Variants in RXRA observed in about 807,000 individuals in gnomAD.
RXRA encodes retinoic acid receptor RXR-alpha.
A neutral mutation model predicts 44.5 loss-of-function variants in RXRA; 5 were observed. That is an observed-to-expected ratio of 0.11 (90% CI 0.06 to 0.24). RXRA has a LOEUF of 0.24. Among genes scored for constraint, RXRA ranks in the 10% least tolerant of loss-of-function variants. The pLI is 1.00. For synonymous variants in RXRA, 291 were observed against 271.4 expected (o/e 1.07, Z -0.71); for missense variants, 412 against 646.5 (o/e 0.64, Z 3.93).
intron 1 of RXRA, among the ~76,000 whole-genome samples, chr9:134,346,529 G>A (rs1830154576): frequency 6.6e-6 from 1 of 152,200 alleles, no homozygotes; most frequent in South Asian, 2.1e-4. Context: ...GGGCGTGTTG[G>A]GGGCTCTCGT....
intron 5 of RXRA, among the ~76,000 whole-genome samples, chr9:134,419,787 C>T (rs1436580313): frequency 3.3e-5 from 5 of 152,348 alleles, no homozygotes; most frequent in African/African-American, 1.2e-4. Context: ...TGCACTATCC[C>T]TCCCTACCTA....
intron 4 of RXRA, among the ~76,000 whole-genome samples, chr9:134,414,375 C>T (rs750480701): frequency 7.9e-5 from 12 of 152,356 alleles, no homozygotes; most frequent in African/African-American, 1.7e-4. Context: ...CGGGCTGGCG[C>T]GTGGGGTGGG....
intron 6 of RXRA, 135 bp downstream of exon 6, chr9:134,421,940 A>G: frequency 6.8e-7 from 1 of 1,481,058 alleles, no homozygotes; most frequent in Non-Finnish European, 8.9e-7. Context: ...CCCAGGACCC[A>G]CTCCTACCTC....
intron 1 of RXRA, among the ~76,000 whole-genome samples, chr9:134,335,609 A>G (rs1829988177): frequency 6.6e-6 from 1 of 152,060 alleles, no homozygotes; most frequent in South Asian, 2.1e-4. Flanking sequence ...GCATGAGGCT[A>G]TGGTCAGCTG....
intron 5 of RXRA, among the ~76,000 whole-genome samples, chr9:134,420,338 G>A (rs529034285): frequency 4.6e-5 from 7 of 152,320 alleles, no homozygotes; most frequent in East Asian, 1.9e-4. Flanking sequence ...GCACAGATCC[G>A]GGAGCCCTGT....
intron 6 of RXRA, chr9:134,425,440 C>T (rs1336855227): frequency 2.0e-6 from 2 of 984,974 alleles, no homozygotes; most frequent in Admixed American, 6.2e-5. Context: ...TCCTTCCCAC[C>T]TGCCCCCTTC....
intron 1 of RXRA, among the ~76,000 whole-genome samples, chr9:134,363,436 TA>T (rs892189713): frequency 2.2e-4 from 33 of 152,242 alleles, no homozygotes; most frequent in African/African-American, 7.2e-4. Flanking sequence ...GTTTCTCATC[TA>T]AAGCCCAGCC....
chr9:134,432,623 C>T (rs930197497), intron 8 of RXRA, among the ~76,000 whole-genome samples: 6 of 152,364 alleles, frequency 3.9e-5, no homozygotes, highest in South Asian at 4.1e-4. Flanking sequence ...CCTGTTTGCT[C>T]GGTGCCCTGC....
chr9:134,429,345 TTCAGTGCATGAAGGGTGC>T, intron 7 of RXRA, 105 bp downstream of exon 7: 2 of 1,214,776 alleles, frequency 1.6e-6, no homozygotes, highest in Non-Finnish European at 2.3e-6. Context: ...CTAGTATTAT[TTCAGTGCATGAAGGGTGC>T]ACACATGGAA....
At chr9:134,435,241 C>G (rs1193324272) in intron 9 of RXRA, among the ~76,000 whole-genome samples, 1 of 152,236 alleles carries the variant, frequency 6.6e-6, no homozygotes, top group Non-Finnish European at 1.5e-5. Flanking sequence ...TGGAGAGACT[C>G]AGGCCGTGCA....
chr9:134,423,238 G>A (rs1308178089), intron 6 of RXRA: 1 of 985,318 alleles, frequency 1.0e-6, no homozygotes, highest in Non-Finnish European at 1.2e-6. Context: ...TGGGTGCCCA[G>A]GTCTGCCCTC....
chr9:134,426,533 G>T lies in RXRA; in HGVS notation c.911-2575G>T. On this transcript the variant is annotated intron_variant, in intron 6 of 9. Transcript: ENST00000481739. The surrounding 1 kb of genome is among the most constrained non-coding windows in gnomAD (Gnocchi z 4.6). ...GCAGAGAGAGACTCCGCACTGTTCT[G>T]TCCGTGTGTCTGGGCTCCTGACCTG... The T allele has an allele frequency of 1.0e-6, 1 of 985,480 alleles. No individual in the cohort carries two copies. Among genetic ancestry groups the T allele is most frequent in the Non-Finnish European group, 1.2e-6 (1 of 829,944 alleles). 61.0% of individuals were successfully genotyped at this position (985,480 alleles called of 1,614,324 possible).
At chr9:134,352,356 G>A (rs543013461) in intron 1 of RXRA, among the ~76,000 whole-genome samples, 129 of 152,182 alleles carry the variant, frequency 8.5e-4, no homozygotes, top group Non-Finnish European at 1.4e-3. Context: ...GGCTGCCTCG[G>A]GGACCCTGGA....
chr9:134,392,372 G>A (rs1830813262), intron 1 of RXRA, among the ~76,000 whole-genome samples: 1 of 151,650 alleles, frequency 6.6e-6, no homozygotes, highest in South Asian at 2.1e-4. Flanking sequence ...GAGTGTCTCC[G>A]GCCTTGTGGC....
intron 6 of RXRA, chr9:134,424,565 C>T: frequency 1.0e-6 from 1 of 985,334 alleles, no homozygotes. Context: ...GAGTCACTTA[C>T]TCTCTGTGCC....
chr9:134,435,658 C>T (rs1022719378), intron 9 of RXRA, among the ~76,000 whole-genome samples: 1 of 152,166 alleles, frequency 6.6e-6, no homozygotes, highest in African/African-American at 2.4e-5. Flanking sequence ...CCTGGCTCCA[C>T]CTGCAGTGGG....
At chr9:134,361,577 T>C (rs1042680120) in intron 1 of RXRA, among the ~76,000 whole-genome samples, 4 of 152,240 alleles carry the variant, frequency 2.6e-5, no homozygotes, top group Non-Finnish European at 4.4e-5. Context: ...CCAACGTGCG[T>C]GATTCATCAG....
At chr9:134,383,099 G>T (rs1830670140) in intron 1 of RXRA, among the ~76,000 whole-genome samples, 1 of 152,198 alleles carries the variant, frequency 6.6e-6, no homozygotes, top group South Asian at 2.1e-4. Context: ...GGACAGACAG[G>T]GTGGGCCCAT....
intron 4 of RXRA, among the ~76,000 whole-genome samples, chr9:134,412,371 G>A (rs1334558380): frequency 2.0e-5 from 3 of 152,342 alleles, no homozygotes; most frequent in Admixed American, 2.0e-4. Context: ...CTGAGGCGTC[G>A]CATCCCAGTG....
Sources: allele counts gnomAD v4.1 joint callset (sites outside exome capture counted in the v4.1 genomes callset), GRCh38; gene constraint gnomAD v4.1.1; non-coding constraint Gnocchi (gnomAD v3.1); transcripts MANE v1.5; gene names NCBI Gene and HGNC (gene_info 2026-07-23, HGNC 2026-07-21).